Variants in CELF2 observed in about 807,000 individuals in gnomAD.
The protein encoded by CELF2 is CUGBP Elav-like family member 2.
Under a neutral mutation model 62.6 loss-of-function variants are expected in CELF2, and 8 were observed. That is an observed-to-expected ratio of 0.13 (90% CI 0.07 to 0.23). CELF2 has a LOEUF of 0.23. Among genes scored for constraint, CELF2 ranks in the 10% least tolerant of loss-of-function variants. CELF2 has a pLI of 1.00. For synonymous variants in CELF2, 258 were observed against 250.0 expected (o/e 1.03, Z -0.30); for missense variants, 333 against 671.0 (o/e 0.50, Z 5.56).
chr10:10,592,296 T>C, the CELF2 span, among the ~76,000 whole-genome samples: 11 of 152,178 alleles, frequency 7.2e-5, no homozygotes, highest in Non-Finnish European at 1.2e-4. Flanking sequence ...AGTTTTACGA[T>C]GGTGCTAGGA....
the CELF2 span, among the ~76,000 whole-genome samples, chr10:10,621,262 AAAAG>A: frequency 1.3e-4 from 19 of 150,346 alleles, no homozygotes; most frequent in African/African-American, 4.1e-4. Context: ...AAAAAAAAAA[AAAAG>A]GCTACAGTAG....
At chr10:10,551,580 G>C in the CELF2 span, among the ~76,000 whole-genome samples, 4 of 152,190 alleles carry the variant, frequency 2.6e-5, no homozygotes, top group Non-Finnish European at 4.4e-5. Flanking sequence ...AGAGAAGCAA[G>C]TGTACTAATA....
intron 10 of CELF2, among the ~76,000 whole-genome samples, chr10:11,320,222 T>C (rs1324161052): frequency 7.9e-5 from 12 of 152,196 alleles, no homozygotes; most frequent in Middle Eastern, 3.4e-3. Context: ...TCAGGGAAAA[T>C]GTGACAGTCA....
At chr10:10,901,632 G>A (rs191360733) in intron 1 of CELF2, among the ~76,000 whole-genome samples, 13 of 152,190 alleles carry the variant, frequency 8.5e-5, no homozygotes, top group East Asian at 3.9e-4. Flanking sequence ...CTCTAAAAGC[G>A]TGATCCAAAA....
At chr10:11,083,415 A>G (rs2074558275) in intron 1 of CELF2, among the ~76,000 whole-genome samples, 1 of 152,218 alleles carries the variant, frequency 6.6e-6, no homozygotes, top group Non-Finnish European at 1.5e-5. Flanking sequence ...GGAAGAGGCC[A>G]CAACCGACTG....
chr10:10,664,294 C>T, the CELF2 span, among the ~76,000 whole-genome samples: 1 of 152,096 alleles, frequency 6.6e-6, no homozygotes, highest in African/African-American at 2.4e-5. Flanking sequence ...TTCATTGTAT[C>T]GTTCCTTTAC....
rs909236761 is a variant in CELF2, at chr10:10,958,805, C to T, written c.89+38806C>T. ...GCTGCAGTGAGCTATGATCACACCACTGCAATCCAGCCTCGGTAACACAGC... is the reference window on the plus strand; with the variant it reads ...GCTGCAGTGAGCTATGATCACACCATTGCAATCCAGCCTCGGTAACACAGC... On this transcript the variant is annotated intron_variant, in intron 2 of 13. Transcript: ENST00000636488. Among the ~76,000 whole-genome samples the T allele has an allele frequency of 1.3e-4, 20 of 152,178 alleles. No homozygotes were observed. In the South Asian group the frequency reaches 1.5e-3, roughly 11 times the overall value.
chr10:11,299,815 ATTT>A (rs56084272), intron 9 of CELF2, among the ~76,000 whole-genome samples: 1 of 150,620 alleles, frequency 6.6e-6, no homozygotes, highest in Non-Finnish European at 1.5e-5. Context: ...GATCATCAAC[ATTT>A]TTTTTTTCGG....
chr10:10,490,537 A>G, the CELF2 span, among the ~76,000 whole-genome samples: 4 of 150,056 alleles, frequency 2.7e-5, no homozygotes. Flanking sequence ...GTCATCCCAG[A>G]GATTATCATT....
chr10:10,764,786 C>G, the CELF2 span, among the ~76,000 whole-genome samples: 2 of 152,236 alleles, frequency 1.3e-5, no homozygotes, highest in Admixed American at 1.3e-4. Context: ...GAGGTCTCCC[C>G]CACTTTCTAG....
intron 1 of CELF2, among the ~76,000 whole-genome samples, chr10:10,865,929 AAG>A (rs2060329786): frequency 1.3e-5 from 2 of 151,984 alleles, no homozygotes; most frequent in Admixed American, 6.6e-5. Context: ...ATTTTGTTCT[AAG>A]TGATCAATTA....
chr10:11,080,219 T>A (rs908595432), intron 1 of CELF2, among the ~76,000 whole-genome samples: 1 of 152,184 alleles, frequency 6.6e-6, no homozygotes, highest in African/African-American at 2.4e-5. Context: ...TTAAGTGAGG[T>A]CATGTAAAAG....
the CELF2 span, among the ~76,000 whole-genome samples, chr10:10,593,978 A>G: frequency 6.6e-6 from 1 of 152,208 alleles, no homozygotes. Context: ...TGTGATGAGC[A>G]CCCATGATGC....
At chr10:11,272,229 G>A (rs577769498) in intron 7 of CELF2, among the ~76,000 whole-genome samples, 1 of 152,158 alleles carries the variant, frequency 6.6e-6, no homozygotes, top group African/African-American at 2.4e-5. Flanking sequence ...CCTTGTCCAC[G>A]AAGATACCAT....
At chr10:11,212,178 G>A (rs574283561) in intron 2 of CELF2, among the ~76,000 whole-genome samples, 1 of 152,248 alleles carries the variant, frequency 6.6e-6, no homozygotes, top group Admixed American at 6.5e-5. Flanking sequence ...GGGAATCTGG[G>A]CGTCAAAAGC....
At chr10:10,533,128 T>C in the CELF2 span, among the ~76,000 whole-genome samples, 1 of 152,230 alleles carries the variant, frequency 6.6e-6, no homozygotes, top group Non-Finnish European at 1.5e-5. Flanking sequence ...CTTACCATAA[T>C]ATAGCTGTAA....
intron 9 of CELF2, among the ~76,000 whole-genome samples, chr10:11,292,325 G>A (rs531418426): frequency 4.7e-4 from 72 of 152,188 alleles, no homozygotes; most frequent in Non-Finnish European, 9.6e-4. Flanking sequence ...AGTCATGACT[G>A]ATAGACGGTG....
chr10:10,668,171 T>C, the CELF2 span, among the ~76,000 whole-genome samples: 1 of 152,226 alleles, frequency 6.6e-6, no homozygotes, highest in African/African-American at 2.4e-5. Flanking sequence ...TGACATACAA[T>C]AAACTGTACA....
chr10:11,027,653 C>T (rs1390452418), intron 1 of CELF2, among the ~76,000 whole-genome samples: 5 of 152,142 alleles, frequency 3.3e-5, no homozygotes, highest in South Asian at 2.1e-4. Flanking sequence ...CCCTGTATGT[C>T]GTAGAATGGA....
Sources: gnomAD v4.1 joint callset for allele counts (sites outside exome capture counted in the v4.1 genomes callset) on GRCh38, gnomAD v4.1.1 for gene constraint, MANE v1.5 for transcripts, NCBI Gene and HGNC (gene_info 2026-07-23, HGNC 2026-07-21) for gene names.